Variants in VTA1 observed in about 807,000 individuals in gnomAD.
The protein encoded by VTA1 is vesicle trafficking 1.
Under a neutral mutation model 36.9 loss-of-function variants are expected in VTA1, and 24 were observed. The ratio of observed to expected loss-of-function variants is 0.65; its 90% CI spans 0.47 to 0.91. VTA1 has a LOEUF of 0.91. VTA1 is among the 40% of genes least tolerant of loss of function. VTA1 has a pLI of 0.00. For missense variants in VTA1, 393 were observed against 377.2 expected, an observed-to-expected ratio of 1.04 and a Z score of -0.35; for synonymous variants, 142 against 130.2, an observed-to-expected ratio of 1.09 and a Z score of -0.62.
At position 142,186,880 on chromosome 6, in the gene VTA1, G is replaced by A. The variant is rs117450438; in HGVS notation, c.412-2546G>A. 2.2e-4 allele frequency among the ~76,000 whole-genome samples: 33 copies of A among 152,210 alleles called. No individual in the cohort carries two copies. In the East Asian group the frequency reaches 6.2e-3, roughly 28 times the overall value. On this transcript the variant is annotated intron_variant, in intron 4 of 7. Coordinates refer to ENST00000367630, the MANE Select transcript of VTA1 (RefSeq NM_016485.5). The stretch of plus-strand genomic sequence containing the variant: ...TGTTTGTATGAATCTGGTAGGTGGT[G>A]TAATGGCTTAAGACAGCCCCACTGT...
chr6:142,203,029 A>G (rs141358374), intron 6 of VTA1, among the ~76,000 whole-genome samples: 90 of 152,114 alleles, frequency 5.9e-4, no homozygotes, highest in Non-Finnish European at 7.7e-4. Context: ...TAAAAGTCAA[A>G]ACTTCTTACC....
At chr6:142,161,306 T>C (rs955189856) in intron 1 of VTA1, among the ~76,000 whole-genome samples, 3 of 152,214 alleles carry the variant, frequency 2.0e-5, no homozygotes, top group African/African-American at 7.2e-5. Flanking sequence ...ATATGTATTC[T>C]ATTGAGTGCC....
intron 4 of VTA1, among the ~76,000 whole-genome samples, chr6:142,180,062 A>G (rs559914243): frequency 6.6e-6 from 1 of 152,308 alleles, no homozygotes; most frequent in South Asian, 2.1e-4. Flanking sequence ...TATGTATACT[A>G]TAGTTTGTGT....
At chr6:142,170,102 A>G (rs1027538196) in intron 3 of VTA1, among the ~76,000 whole-genome samples, 5 of 152,202 alleles carry the variant, frequency 3.3e-5, no homozygotes, top group African/African-American at 4.8e-5. Flanking sequence ...ACATTTTTCT[A>G]AAGTCAAAAA....
At chr6:142,183,707 C>T (rs1022760872) in intron 4 of VTA1, among the ~76,000 whole-genome samples, 10 of 151,958 alleles carry the variant, frequency 6.6e-5, no homozygotes, top group African/African-American at 2.4e-4. Context: ...GTTTAGTATC[C>T]AGCATCCTTT....
intron 1 of VTA1, among the ~76,000 whole-genome samples, chr6:142,160,580 T>C (rs893658900): frequency 1.3e-5 from 2 of 152,070 alleles, no homozygotes; most frequent in Admixed American, 6.5e-5. Context: ...TGTTTTCTGC[T>C]TGGGACTCCT....
intron 2 of VTA1, among the ~76,000 whole-genome samples, chr6:142,166,789 G>GT (rs369711518): frequency 6.6e-6 from 1 of 151,954 alleles, no homozygotes; most frequent in Non-Finnish European, 1.5e-5. Flanking sequence ...CGCCCGGCTA[G>GT]TTTTTTTGTA....
chr6:142,174,523 G>A (rs1378063613), intron 4 of VTA1, among the ~76,000 whole-genome samples: 1 of 152,116 alleles, frequency 6.6e-6, no homozygotes, highest in Non-Finnish European at 1.5e-5. Context: ...TGAGATTTTG[G>A]ACTTTTGAGT....
At chr6:142,197,863 C>T (rs956573281) in intron 5 of VTA1, among the ~76,000 whole-genome samples, 3 of 148,846 alleles carry the variant, frequency 2.0e-5, no homozygotes, top group Admixed American at 6.8e-5. Context: ...TCACGAGGTC[C>T]GGAGATTGAG....
rs897602293 is a variant in VTA1, at chr6:142,224,524, C to T, written c.*5881C>T. 2 of 152,030 alleles carry T rather than the reference C, an allele frequency of 1.3e-5. No homozygotes were observed. The highest frequency in any genetic ancestry group is 2.9e-5 in the Non-Finnish European group (2 of 68,030). The allele number at this position is 152,030 out of a possible 1,614,324, so 9.4% of individuals were successfully genotyped here. ...AACTTTATTTATTTACATGTGTCTC[C>T]CTCATTAGATGCTAAGTTCCTTGAT... On this transcript the variant is annotated 3_prime_UTR_variant, in exon 8 of 8. Transcript: ENST00000367630.
At chr6:142,178,971 G>T (rs1289085804) in intron 4 of VTA1, among the ~76,000 whole-genome samples, 7 of 152,076 alleles carry the variant, frequency 4.6e-5, no homozygotes, top group Non-Finnish European at 8.8e-5. Context: ...TAGGCTTTGA[G>T]TAGATGTGTT....
At chr6:142,168,817 A>T (rs1188439876) in intron 2 of VTA1, among the ~76,000 whole-genome samples, 1 of 150,312 alleles carries the variant, frequency 6.7e-6, no homozygotes, top group African/African-American at 2.4e-5. Flanking sequence ...CCCAGGCTGG[A>T]GTGCAGTGGC....
chr6:142,154,997 C>CT (rs1452751799), intron 1 of VTA1, among the ~76,000 whole-genome samples: 1 of 151,966 alleles, frequency 6.6e-6, no homozygotes, highest in African/African-American at 2.4e-5. Context: ...GAACTTTGTG[C>CT]TTTTTTATAT....
chr6:142,161,331 A>G (rs564672065), intron 1 of VTA1, among the ~76,000 whole-genome samples: 1 of 152,226 alleles, frequency 6.6e-6, no homozygotes, highest in South Asian at 2.1e-4. Flanking sequence ...TTTTTAACCT[A>G]TCAAAGCCTC....
In VTA1 at chr6:142,223,547, G is replaced by GT. The variant is rs940077726; in HGVS notation, c.*4905dup. 5 of 152,096 alleles carry GT rather than the reference G, an allele frequency of 3.3e-5. No homozygotes were observed. The highest frequency in any genetic ancestry group is 7.3e-5 in the Non-Finnish European group (5 of 68,036). The allele number at this position is 152,096 out of a possible 1,614,324, so 9.4% of individuals were successfully genotyped here. On this transcript the variant is annotated 3_prime_UTR_variant, in exon 8 of 8. Transcript: ENST00000367630. ...CTGAAAGTCTTAGGCAAAAGCCCCT[G>GT]TCTCTTACTTCATATATCAAGTTTG...
chr6:142,151,685 C>G (rs1390605333), intron 1 of VTA1, among the ~76,000 whole-genome samples: 3 of 152,228 alleles, frequency 2.0e-5, no homozygotes, highest in African/African-American at 4.8e-5. Context: ...ACTAAATGAG[C>G]TAAAATCTTC....
At chr6:142,153,949 T>C (rs1459364400) in intron 1 of VTA1, among the ~76,000 whole-genome samples, 1 of 152,148 alleles carries the variant, frequency 6.6e-6, no homozygotes, top group Non-Finnish European at 1.5e-5. Context: ...ACTATAATAA[T>C]GTACCATAAC....
At chr6:142,158,069 C>T (rs1360678880) in intron 1 of VTA1, among the ~76,000 whole-genome samples, 4 of 148,262 alleles carry the variant, frequency 2.7e-5, no homozygotes, top group Non-Finnish European at 4.5e-5. Flanking sequence ...GTAGCTCCCC[C>T]GAGAGGCAGT....
At chr6:142,187,915 T>TC (rs1775373239) in intron 4 of VTA1, among the ~76,000 whole-genome samples, 1 of 147,172 alleles carries the variant, frequency 6.8e-6, no homozygotes, top group Non-Finnish European at 1.5e-5. Context: ...TTTCTTTCTT[T>TC]TTTTTTTTTT....
Sources: allele counts gnomAD v4.1 joint callset (sites outside exome capture counted in the v4.1 genomes callset), GRCh38; gene constraint gnomAD v4.1.1; transcripts MANE v1.5; gene names NCBI Gene and HGNC (gene_info 2026-07-23, HGNC 2026-07-21).